Variants in CPNE8 observed in about 807,000 individuals in gnomAD.
CPNE8 encodes the protein copine-8.
Under a neutral mutation model 81.5 loss-of-function variants are expected in CPNE8, and 45 were observed. That is an observed-to-expected ratio of 0.55 (90% confidence interval 0.44 to 0.71). CPNE8 has a LOEUF of 0.71. Ranked by LOEUF, CPNE8 falls within the 30% of genes least tolerant of loss-of-function variation. The pLI is 0.00. For synonymous variants in CPNE8, 252 were observed against 226.3 expected (o/e 1.11, Z -1.02); for missense variants, 594 against 672.1 (o/e 0.88, Z 1.28).
At chr12:38,881,756 C>A (rs1482412496) in intron 1 of CPNE8, among the ~76,000 whole-genome samples, 1 of 152,144 alleles carries the variant, frequency 6.6e-6, no homozygotes, top group Non-Finnish European at 1.5e-5. Flanking sequence ...CATGTCAGAG[C>A]TCTGGTTAGC....
intron 10 of CPNE8, among the ~76,000 whole-genome samples, chr12:38,753,577 T>G (rs925652978): frequency 1.3e-5 from 2 of 152,214 alleles, no homozygotes; most frequent in African/African-American, 4.8e-5. Flanking sequence ...TAATCTACAC[T>G]GTGAGGAATA....
chr12:38,819,493 C>G (rs1232542869), intron 6 of CPNE8, among the ~76,000 whole-genome samples: 1 of 152,080 alleles, frequency 6.6e-6, no homozygotes, highest in Non-Finnish European at 1.5e-5. Flanking sequence ...TAGGGCCGGG[C>G]GCGGTGGCTC....
At position 38,767,757 on chromosome 12, in the gene CPNE8, A is replaced by G. The variant is rs1439199662; in HGVS notation, c.472-19T>C. 2.0e-6 allele frequency: 3 copies of G among 1,463,548 alleles called. No homozygotes were observed. Among genetic ancestry groups the G allele is most frequent in the African/African-American group, 2.9e-5 (2 of 68,500 alleles). 90.7% of individuals were successfully genotyped at this position (1,463,548 alleles called of 1,614,324 possible). ...CGGCATCCTAAAAACAAAATTAATA[A>G]AACAGTTCAAGATTTGGGCTATAAA... On this transcript the variant is annotated intron_variant, in intron 7 of 19. Coordinates refer to ENST00000331366, the MANE Select transcript of CPNE8 (RefSeq NM_153634.3).
chr12:38,702,149 A>G (rs772982473), intron 14 of CPNE8, among the ~76,000 whole-genome samples: 1 of 152,212 alleles, frequency 6.6e-6, no homozygotes. Flanking sequence ...TTGAAAGAAA[A>G]AAAAGACAAA....
intron 6 of CPNE8, among the ~76,000 whole-genome samples, chr12:38,798,927 C>T (rs1214862485): frequency 6.6e-6 from 1 of 152,010 alleles, no homozygotes; most frequent in African/African-American, 2.4e-5. Context: ...GACTTTAAAC[C>T]AACAAAGATC....
At chr12:38,713,221 T>C (rs1940303961) in intron 13 of CPNE8, among the ~76,000 whole-genome samples, 1 of 152,144 alleles carries the variant, frequency 6.6e-6, no homozygotes, top group Non-Finnish European at 1.5e-5. Context: ...TTCGCAAACA[T>C]TTATTCCTTA....
intron 19 of CPNE8, among the ~76,000 whole-genome samples, chr12:38,661,908 A>C (rs1223413646): frequency 6.6e-6 from 1 of 152,030 alleles, no homozygotes; most frequent in African/African-American, 2.4e-5. Context: ...AAAAAAAAAA[A>C]ACACATGATC....
intron 13 of CPNE8, among the ~76,000 whole-genome samples, chr12:38,705,451 A>T (rs191668200): frequency 0.013 from 1,967 of 152,280 alleles, 29 homozygotes; most frequent in South Asian, 0.041. Context: ...ACTAGTATAG[A>T]TTCCCTTTAT....
At chr12:38,744,909 T>C (rs1379503319) in intron 10 of CPNE8, among the ~76,000 whole-genome samples, 1 of 152,216 alleles carries the variant, frequency 6.6e-6, no homozygotes, top group Non-Finnish European at 1.5e-5. Flanking sequence ...TAATATAGGT[T>C]TTCATTACTC....
At chr12:38,865,995 T>A (rs1017713534) in intron 3 of CPNE8, among the ~76,000 whole-genome samples, 1 of 152,230 alleles carries the variant, frequency 6.6e-6, no homozygotes, top group Non-Finnish European at 1.5e-5. Context: ...TTACGTCCTT[T>A]TCTGAACAGA....
intron 13 of CPNE8, among the ~76,000 whole-genome samples, chr12:38,714,405 T>G (rs1335453932): frequency 2.0e-5 from 3 of 152,042 alleles, no homozygotes; most frequent in Non-Finnish European, 4.4e-5. Context: ...TCTAAAATTA[T>G]TTTTAATAAG....
intron 10 of CPNE8, among the ~76,000 whole-genome samples, chr12:38,759,658 T>C (rs1236315271): frequency 1.3e-5 from 2 of 152,214 alleles, no homozygotes; most frequent in East Asian, 3.9e-4. Context: ...TTGAGTCTTA[T>C]ATACTTATTT....
At chr12:38,858,729 C>T (rs1399340732) in intron 3 of CPNE8, among the ~76,000 whole-genome samples, 1 of 152,170 alleles carries the variant, frequency 6.6e-6, no homozygotes, top group East Asian at 1.9e-4. Flanking sequence ...AGCCTCACCT[C>T]TGGAGTTGAG....
chr12:38,738,119 A>G (rs1041598963), intron 10 of CPNE8, among the ~76,000 whole-genome samples: 2 of 152,128 alleles, frequency 1.3e-5, no homozygotes, highest in East Asian at 1.9e-4. Flanking sequence ...ACCAGTCTAC[A>G]TACTGTTCAT....
chr12:38,719,345 T>C (rs543899272), intron 13 of CPNE8, among the ~76,000 whole-genome samples: 1 of 152,294 alleles, frequency 6.6e-6, no homozygotes, highest in South Asian at 2.1e-4. Context: ...GGCTCATTCC[T>C]GTGATTCCAG....
chr12:38,685,429 T>C lies in CPNE8; in HGVS notation c.1271+61A>G, dbSNP rs570415553. The C allele has an allele frequency of 5.0e-5, 77 of 1,543,312 alleles. No individual in the cohort carries two copies. The South Asian group carries it at 7.8e-4, about 16-fold the overall frequency. On this transcript the variant is annotated intron_variant, in intron 16 of 19. Coordinates refer to ENST00000331366, the MANE Select transcript of CPNE8 (RefSeq NM_153634.3). ...ATGTGTGGAGTCATGCTAGCAACAA[T>C]GTTATGAGTTCACCATGTTCCAGTA...
intron 3 of CPNE8, among the ~76,000 whole-genome samples, chr12:38,862,481 T>C (rs1453620944): frequency 6.6e-6 from 1 of 152,198 alleles, no homozygotes; most frequent in African/African-American, 2.4e-5. Context: ...ACCTTTTCTG[T>C]ACGCCCGACA....
chr12:38,852,864 T>C (rs1943668210), intron 3 of CPNE8, among the ~76,000 whole-genome samples: 1 of 152,050 alleles, frequency 6.6e-6, no homozygotes, highest in Non-Finnish European at 1.5e-5. Flanking sequence ...TATATATATA[T>C]GGAAAAAAAT....
chr12:38,800,022 G>A (rs1333447552), intron 6 of CPNE8, among the ~76,000 whole-genome samples: 33 of 134,338 alleles, frequency 2.5e-4, no homozygotes, highest in African/African-American at 4.5e-4. Context: ...ACGGAATCTC[G>A]CTGATTGCTA....
Sources: allele counts gnomAD v4.1 joint callset (sites outside exome capture counted in the v4.1 genomes callset), GRCh38; gene constraint gnomAD v4.1.1; transcripts MANE v1.5; gene names NCBI Gene and HGNC (gene_info 2026-07-23, HGNC 2026-07-21).